The following ARFGAP2 variants were observed in gnomAD, a reference collection of about 807,000 sequenced individuals.
ARFGAP2 encodes ARF GTPase activating protein 2.
Under a neutral mutation model 71.9 loss-of-function variants are expected in ARFGAP2, and 45 were observed. The observed-to-expected ratio is 0.63, with a 90% confidence interval of 0.49 to 0.80. The LOEUF is 0.80. Ranked by LOEUF, ARFGAP2 falls within the 30% of genes least tolerant of loss-of-function variation. The probability of loss-of-function intolerance (pLI) is 0.00; values close to 1 mark genes in which losing one functional copy is unlikely to be tolerated. For missense variants in ARFGAP2, 633 were observed against 673.9 expected, an observed-to-expected ratio of 0.94 and a Z score of 0.67; for synonymous variants, 248 against 249.2, an observed-to-expected ratio of 1.00 and a Z score of 0.05.
intron 13 of ARFGAP2, 30 bp from the exon 14 acceptor site, chr11:47,166,629 A>C: frequency 6.2e-7 from 1 of 1,608,468 alleles, no homozygotes. Context: ...AGGCCTGGGG[A>C]TCTTGGGGCT....
Position 47,172,240 on chromosome 11 carries a change from C to A in ARFGAP2, c.672+41G>T, listed in dbSNP as rs372471725. On this transcript the variant is annotated intron_variant, in intron 8 of 15. Transcript: ENST00000524782. ...GGAGTGAACCCAGGTAGCCTGCACC[C>A]AGCTCCTAACCCCTCTACCATACCA... 3 of 1,603,384 alleles carry A rather than the reference C, an allele frequency of 1.9e-6. No individual in the cohort carries two copies. In the East Asian group the frequency reaches 6.7e-5, roughly 36 times the overall value.
chr11:47,167,966 C>T lies in ARFGAP2; in HGVS notation c.1148G>A (p.Arg383Lys), dbSNP rs1952453073. The part of the protein sequence containing the change: ...WDTDAAWGMD[R>K]VEEKEPEVTI... ...CACTTCTGGCTCCTTCTCCTCTACC[C>T]TGTCCATACCCCAGGCAGCATCTGT... The change falls in exon 12 of 16, where the codon AGG (arginine) becomes AAG (lysine). Residue 383 changes from arginine to lysine, a missense_variant. Physicochemically the swap from Arg to Lys is conservative, Grantham distance 26 (BLOSUM62 2). Coordinates refer to ENST00000524782, the MANE Select transcript of ARFGAP2 (RefSeq NM_032389.6). 6.2e-7 allele frequency: 1 copy of T among 1,613,924 alleles called. No individual in the cohort carries two copies. Among genetic ancestry groups the T allele is most frequent in the Non-Finnish European group, 8.5e-7 (1 of 1,179,942 alleles).
At chr11:47,166,177 G>A in intron 15 of ARFGAP2, 91 bp downstream of exon 15, 1 of 1,348,432 alleles carries the variant, frequency 7.4e-7, no homozygotes. Flanking sequence ...TGCTCTTAAG[G>A]CTCAGAGGGG....
Position 47,172,347 on chromosome 11 carries a change from G to C in ARFGAP2, c.620-14C>G. 1 of 1,614,070 alleles carries C rather than the reference G, an allele frequency of 6.2e-7. No individual in the cohort carries two copies. Among genetic ancestry groups the C allele is most frequent in the African/African-American group, 1.3e-5 (1 of 75,018 alleles). On this transcript the variant is annotated splice_polypyrimidine_tract_variant and intron_variant, in intron 7 of 15. Coordinates refer to ENST00000524782, the MANE Select transcript of ARFGAP2 (RefSeq NM_032389.6). ...AGCTTTTCAGTTCTGCGTGAGAAAC[G>C]GGTAGGCATGAGCTAAGACAAAGGC... is the stretch of plus-strand genomic sequence containing the variant.
Position 47,175,106 on chromosome 11 carries a change from G to A in ARFGAP2, c.397-8C>T, listed in dbSNP as rs770564177. 6 of 1,614,186 alleles carry A rather than the reference G, an allele frequency of 3.7e-6. No homozygotes were observed. Among genetic ancestry groups the A allele is most frequent in the South Asian group, 3.3e-5 (3 of 91,082 alleles). On this transcript the variant is annotated splice_polypyrimidine_tract_variant and splice_region_variant and intron_variant, in intron 4 of 15. Transcript: ENST00000524782. ...CATGTTGTCTATCCAAAGCTAGAAA[G>A]GAGAAGACACCCCTAAAACACAGGG...
chr11:47,172,014 C>T (rs766208167), intron 8 of ARFGAP2: 6 of 793,070 alleles, frequency 7.6e-6, no homozygotes, highest in African/African-American at 3.5e-5. Context: ...GGCCTGAGGA[C>T]GGCAGTTAAT....
intron 7 of ARFGAP2, chr11:47,172,728 C>T (rs1446961209): frequency 7.7e-7 from 1 of 1,297,510 alleles, no homozygotes; most frequent in East Asian, 5.4e-5. Flanking sequence ...GGAAGGGCCC[C>T]TTTAGCTGAC....
intron 3 of ARFGAP2, 38 bp from the exon 4 acceptor site, chr11:47,175,351 G>A: frequency 1.2e-6 from 2 of 1,613,546 alleles, no homozygotes; most frequent in Non-Finnish European, 1.7e-6. Context: ...TGCTACGGGT[G>A]ATTCTCAAGA....
At chr11:47,168,962 C>G (rs1441488261) in intron 10 of ARFGAP2, among the ~76,000 whole-genome samples, 1 of 151,720 alleles carries the variant, frequency 6.6e-6, no homozygotes, top group East Asian at 1.9e-4. Context: ...GCCCCAGCAC[C>G]AGGGAAATGA....
At chr11:47,176,701 G>C (rs1291340954) in intron 1 of ARFGAP2, 67 bp from the exon 2 acceptor site, 1 of 1,611,360 alleles carries the variant, frequency 6.2e-7, no homozygotes, top group Non-Finnish European at 8.5e-7. Flanking sequence ...CGACACCCCA[G>C]AAACATAACC....
Position 47,176,820 on chromosome 11 carries a change from T to G in ARFGAP2, c.34A>C (p.Thr12Pro). The change falls in exon 1 of 16, where the codon ACT (threonine) becomes CCT (proline). Residue 12 changes from threonine to proline, a missense_variant. Physicochemically the swap from Thr to Pro is conservative, Grantham distance 38 (BLOSUM62 -1). Transcript: ENST00000524782. ...ACTGCGCGAAGCCTCTTAAAAAGAG[T>G]CTGGATTTCGGTCTTGTTCGGCTCC... is the stretch of plus-strand genomic sequence containing the variant. Reference protein sequence around the residue: ...AAEPNKTEIQTLFKRLRAVPT... With the variant: ...AAEPNKTEIQPLFKRLRAVPT... The G allele has an allele frequency of 1.2e-6, 2 of 1,613,474 alleles. No individual in the cohort carries two copies. The highest frequency in any genetic ancestry group is 8.5e-7 in the Non-Finnish European group (1 of 1,179,900).
chr11:47,176,630 C>A lies in ARFGAP2; in HGVS notation c.77G>T (p.Cys26Phe). The A allele has an allele frequency of 6.2e-7, 1 of 1,614,102 alleles. No individual in the cohort carries two copies. The highest frequency in any genetic ancestry group is 8.5e-7 in the Non-Finnish European group (1 of 1,180,036). ...CGGATTCTTGGCGCCGCAGTCGAAA[C>A]AGGCCTGGGTGGAGGCGGCGATGAG... ...RLRAVPTNKA[C>F]FDCGAKNPSW... The change falls in exon 2 of 16, where the codon TGT (cysteine) becomes TTT (phenylalanine). Residue 26 changes from cysteine to phenylalanine, a missense_variant. Coordinates refer to ENST00000524782, the MANE Select transcript of ARFGAP2 (RefSeq NM_032389.6).
intron 9 of ARFGAP2, 31 bp downstream of exon 9, chr11:47,171,633 G>A (rs1952603624): frequency 6.2e-7 from 1 of 1,613,892 alleles, no homozygotes; most frequent in East Asian, 2.2e-5. Context: ...AAGCCCCGCA[G>A]AAGCCTGAGG....
chr11:47,176,011 G>T, intron 2 of ARFGAP2, 88 bp from the exon 3 acceptor site: 2 of 1,344,442 alleles, frequency 1.5e-6, no homozygotes, highest in Non-Finnish European at 2.1e-6. Flanking sequence ...GCCTCAGGCT[G>T]CTGTAGGCAC....
chr11:47,175,322 CAAAGA>C lies in ARFGAP2; in HGVS notation c.265-14_265-10del. The stretch of plus-strand genomic sequence containing the variant: ...TGGCGAAAAAAAGCCGTCTGGAGAG[CAAAGA>C]AGAGAGCAGCGCGTGCTACGGGTGA... On this transcript the variant is annotated splice_polypyrimidine_tract_variant and intron_variant, in intron 3 of 15. Transcript: ENST00000524782. 1 of 1,614,052 alleles carries C rather than the reference CAAAGA, an allele frequency of 6.2e-7. No homozygotes were observed. Among genetic ancestry groups the C allele is most frequent in the Non-Finnish European group, 8.5e-7 (1 of 1,180,020 alleles).
intron 10 of ARFGAP2, among the ~76,000 whole-genome samples, chr11:47,170,400 C>G (rs919939840): frequency 2.0e-5 from 3 of 150,790 alleles, no homozygotes; most frequent in Non-Finnish European, 4.4e-5. Flanking sequence ...AATCCCAGCA[C>G]TTTGGGAGGC....
Position 47,166,162 on chromosome 11 carries a change from G to A in ARFGAP2, c.1545+106C>T, listed in dbSNP as rs556098914. The A allele has an allele frequency of 3.7e-3, 4,506 of 1,210,614 alleles. 28 individuals are homozygous for A. Among genetic ancestry groups the A allele is most frequent in the Middle Eastern group, 4.9e-3 (25 of 5,094 alleles). The allele number at this position is 1,210,614 out of a possible 1,614,324, so 75.0% of individuals were successfully genotyped here. On this transcript the variant is annotated intron_variant, in intron 15 of 15. Coordinates refer to ENST00000524782, the MANE Select transcript of ARFGAP2 (RefSeq NM_032389.6). ...CAGGCGTGAGCCACCACACCCGGCC[G>A]AAAATGCTCTTAAGGCTCAGAGGGG...
intron 12 of ARFGAP2, 111 bp from the exon 13 acceptor site, chr11:47,166,997 C>T: frequency 7.3e-7 from 1 of 1,372,182 alleles, no homozygotes; most frequent in Non-Finnish European, 9.9e-7. Context: ...TTACCAGGTC[C>T]CATTCTGTCT....
intron 12 of ARFGAP2, 72 bp downstream of exon 12, chr11:47,167,837 C>A: frequency 1.3e-6 from 2 of 1,489,512 alleles, no homozygotes; most frequent in South Asian, 2.6e-5. Context: ...GACAGTGCTG[C>A]CTTAGAATTC....
Sources: allele counts gnomAD v4.1 joint callset (sites outside exome capture counted in the v4.1 genomes callset), GRCh38; gene constraint gnomAD v4.1.1; transcripts MANE v1.5; gene names NCBI Gene and HGNC (gene_info 2026-07-23, HGNC 2026-07-21).